The following PTGER4 variants were observed in gnomAD, a reference collection of about 807,000 sequenced individuals.
PTGER4 encodes the protein prostaglandin E2 receptor EP4 subtype.
In PTGER4, 11 loss-of-function variants were observed where a neutral mutation model predicts 33.2. The observed-to-expected ratio is 0.33, with a 90% CI of 0.21 to 0.55. The LOEUF (loss-of-function observed/expected upper bound fraction) is 0.55, where lower values mean the gene tolerates loss of function less well. PTGER4 is among the 20% of genes least tolerant of loss of function. The pLI, the probability that PTGER4 is intolerant of heterozygous loss-of-function variation, is 0.92. For synonymous variants in PTGER4, 275 were observed against 281.5 expected, an observed-to-expected ratio of 0.98 and a Z score of 0.23; for missense variants, 481 against 650.2, an observed-to-expected ratio of 0.74 and a Z score of 2.83.
the PTGER4 span, among the ~76,000 whole-genome samples, chr5:40,738,549 A>AAATAC: frequency 4.2e-5 from 2 of 47,564 alleles, no homozygotes; most frequent in Non-Finnish European, 8.9e-5. Flanking sequence ...CAATAAAATA[A>AAATAC]AATAAAATAA....
At chr5:40,700,768 T>C in the PTGER4 span, among the ~76,000 whole-genome samples, 1 of 151,630 alleles carries the variant, frequency 6.6e-6, no homozygotes, top group Admixed American at 6.6e-5. Context: ...ACTCAAGGGG[T>C]AGAGGAACCC....
chr5:40,741,393 C>T, the PTGER4 span, among the ~76,000 whole-genome samples: 7 of 152,304 alleles, frequency 4.6e-5, no homozygotes, highest in African/African-American at 1.2e-4. Flanking sequence ...AATAGCTCTC[C>T]GCTCTGTATG....
chr5:40,713,280 T>C, the PTGER4 span, among the ~76,000 whole-genome samples: 1 of 152,118 alleles, frequency 6.6e-6, no homozygotes, highest in Admixed American at 6.6e-5. Flanking sequence ...AAAGAAATGA[T>C]TGTTAATTTT....
intron 2 of PTGER4, among the ~76,000 whole-genome samples, chr5:40,684,890 G>A (rs1242416172): frequency 2.0e-5 from 3 of 152,126 alleles, no homozygotes; most frequent in African/African-American, 7.2e-5. Flanking sequence ...CAAGAAGTGA[G>A]AGTCTACATT....
At chr5:40,687,972 T>C (rs1741370561) in intron 2 of PTGER4, among the ~76,000 whole-genome samples, 1 of 152,230 alleles carries the variant, frequency 6.6e-6, no homozygotes, top group Admixed American at 6.5e-5. Context: ...CAGAAATGAT[T>C]CTTTCCTTGC....
the PTGER4 span, among the ~76,000 whole-genome samples, chr5:40,735,168 T>C: frequency 1.3e-5 from 2 of 152,226 alleles, no homozygotes; most frequent in African/African-American, 2.4e-5. Flanking sequence ...GCCATAGTTA[T>C]GCATGTGGAT....
In PTGER4 at chr5:40,692,522, C is replaced by T; in HGVS notation, c.*144C>T. 6.9e-7 allele frequency: 1 copy of T among 1,454,720 alleles called. No homozygotes were observed. The highest frequency in any genetic ancestry group is 1.5e-5 in the South Asian group (1 of 67,684). The allele number at this position is 1,454,720 out of a possible 1,614,324, so 90.1% of individuals were successfully genotyped here. ...TAGAGAACATCCTGGCTTTTGAGCA[C>T]TTTTCAAACAATCAAGTTGACTCAC... On this transcript the variant is annotated 3_prime_UTR_variant, in exon 3 of 3. Transcript: ENST00000302472.
intron 2 of PTGER4, among the ~76,000 whole-genome samples, chr5:40,688,432 T>A (rs1015497375): frequency 6.6e-6 from 1 of 152,230 alleles, no homozygotes; most frequent in Admixed American, 6.5e-5. Flanking sequence ...CGCCATCATT[T>A]CTTCTACCCT....
the PTGER4 span, among the ~76,000 whole-genome samples, chr5:40,740,148 CTGT>C: frequency 1.3e-5 from 2 of 151,764 alleles, no homozygotes; most frequent in East Asian, 1.9e-4. Context: ...CAAAATGTTG[CTGT>C]TGTTATTTAA....
chr5:40,691,954 T>C lies in PTGER4; in HGVS notation c.1043T>C (p.Phe348Ser), dbSNP rs759029896. The C allele has an allele frequency of 4.3e-6, 7 of 1,614,250 alleles. No homozygotes were observed. Among genetic ancestry groups the C allele is most frequent in the Non-Finnish European group, 5.1e-6 (6 of 1,180,048 alleles). Residue 348 changes from phenylalanine to serine, a missense_variant, in exon 3 of 3, where the codon TTC becomes TCC. Coordinates refer to ENST00000302472, the MANE Select transcript of PTGER4 (RefSeq NM_000958.3). The surrounding 1 kb of genome is among the most constrained non-coding windows in gnomAD (Gnocchi z 4.2). The stretch of plus-strand genomic sequence containing the variant: ...GCAATAGAGAAGATCAAATGCCTCT[T>C]CTGCCGCATTGGCGGGTCCCGCAGG... ...SKAIEKIKCL[F>S]CRIGGSRRER... is the part of the protein sequence containing the mutation.
chr5:40,744,341 C>T, the PTGER4 span, among the ~76,000 whole-genome samples: 2 of 152,126 alleles, frequency 1.3e-5, no homozygotes, highest in Non-Finnish European at 2.9e-5. Flanking sequence ...ATAGCTTAAG[C>T]ACATTTTGTT....
the PTGER4 span, among the ~76,000 whole-genome samples, chr5:40,743,934 T>C: frequency 6.6e-6 from 1 of 152,222 alleles, no homozygotes. Context: ...TGTTTCGACA[T>C]ACAGGCAGAA....
At chr5:40,697,276 A>C (rs1218332380), downstream of PTGER4, among the ~76,000 whole-genome samples, 2 of 136,142 alleles carry the variant, frequency 1.5e-5, no homozygotes, top group Admixed American at 7.6e-5. Flanking sequence ...GAAAGAAAGA[A>C]AGAAAGAAAG....
chr5:40,727,387 T>G, the PTGER4 span, among the ~76,000 whole-genome samples: 3 of 152,216 alleles, frequency 2.0e-5, no homozygotes, highest in African/African-American at 7.2e-5. Flanking sequence ...CAGGTGTATA[T>G]AGCCCTGCCA....
chr5:40,695,196 G>A (rs2111822007), downstream of PTGER4, among the ~76,000 whole-genome samples: 1 of 152,256 alleles, frequency 6.6e-6, no homozygotes, highest in South Asian at 2.1e-4. Context: ...GATCACTTGA[G>A]GTCAAGAGTT....
At chr5:40,743,101 A>T in the PTGER4 span, among the ~76,000 whole-genome samples, 1 of 152,220 alleles carries the variant, frequency 6.6e-6, no homozygotes. Context: ...ATAAGTGTAT[A>T]CAGTAACTTC....
chr5:40,697,290 GAAAGAAAA>G (rs1179330662), downstream of PTGER4, among the ~76,000 whole-genome samples: 18 of 137,372 alleles, frequency 1.3e-4, no homozygotes, highest in South Asian at 4.1e-3. Context: ...AAGAAAGAAA[GAAAGAAAA>G]AGAAAGGCCA....
At chr5:40,708,610 G>C in the PTGER4 span, among the ~76,000 whole-genome samples, 1 of 152,170 alleles carries the variant, frequency 6.6e-6, no homozygotes, top group Non-Finnish European at 1.5e-5. Context: ...GGTACAAGGA[G>C]GAGCTGGTAC....
chr5:40,708,771 C>A, the PTGER4 span, among the ~76,000 whole-genome samples: 1 of 152,134 alleles, frequency 6.6e-6, no homozygotes, highest in African/African-American at 2.4e-5. Flanking sequence ...AACATCGATG[C>A]AAAAATCCTC....
Sources: gnomAD v4.1 joint callset for allele counts (sites outside exome capture counted in the v4.1 genomes callset) on GRCh38, gnomAD v4.1.1 for gene constraint, Gnocchi (gnomAD v3.1) non-coding constraint, MANE v1.5 for transcripts, NCBI Gene and HGNC (gene_info 2026-07-23, HGNC 2026-07-21) for gene names.